TTC17: variants seen among roughly 807,000 people sequenced by gnomAD.
TTC17 encodes the protein tetratricopeptide repeat protein 17.
Under a neutral mutation model 143.8 loss-of-function variants are expected in TTC17, and 58 were observed. The ratio of observed to expected loss-of-function variants is 0.40; its 90% CI spans 0.33 to 0.50. TTC17 has a LOEUF of 0.50. TTC17 is among the 20% of genes least tolerant of loss of function. The probability of loss-of-function intolerance (pLI) is 0.49; values close to 1 mark genes in which losing one functional copy is unlikely to be tolerated. For synonymous variants in TTC17, 501 were observed against 497.8 expected, an observed-to-expected ratio of 1.01 and a Z score of -0.09; for missense variants, 1,273 against 1,392.5, an observed-to-expected ratio of 0.91 and a Z score of 1.37.
At position 43,389,725 on chromosome 11, in the gene TTC17, A is replaced by G. The variant is rs1008099104; in HGVS notation, c.323A>G (p.Asn108Ser). The change falls in exon 3 of 24, where the codon AAT becomes AGT. Residue 108 changes from asparagine (N) to serine (S), a missense_variant. Asn to Ser is a conservative substitution (Grantham distance 46). Transcript: ENST00000039989. The part of the protein sequence containing the change: ...DRDTGLEQRH[N>S]KEDPDCIKAK... Reference sequence around the variant, plus strand: ...GACACAGGACTGGAACAGAGACATAATAAAGAAGACCCAGACTGCATCAAA... The same window carrying G: ...GACACAGGACTGGAACAGAGACATAGTAAAGAAGACCCAGACTGCATCAAA... The G allele has an allele frequency of 3.7e-6, 6 of 1,614,040 alleles. No individual in the cohort carries two copies. Among genetic ancestry groups the G allele is most frequent in the Non-Finnish European group, 5.1e-6 (6 of 1,180,002 alleles).
chr11:43,378,427 A>G (rs1856841602), intron 1 of TTC17, among the ~76,000 whole-genome samples: 1 of 152,142 alleles, frequency 6.6e-6, no homozygotes, highest in South Asian at 2.1e-4. Flanking sequence ...TTTTTCCTGT[A>G]TCCCATTCCA....
intron 16 of TTC17, chr11:43,436,399 C>G (rs996442269): frequency 8.3e-7 from 1 of 1,201,124 alleles, no homozygotes; most frequent in African/African-American, 1.6e-5. Context: ...TAAGCTTAGG[C>G]TTTTCTCTAC....
chr11:43,405,848 C>A lies in TTC17; in HGVS notation c.1658C>A (p.Ser553Tyr). The change falls in exon 13 of 24, where the codon TCC becomes TAC. Residue 553 changes from serine (S) to tyrosine (Y), a missense_variant. Ser to Tyr is a moderately radical substitution (Grantham distance 144). Around this residue, in one of 3 missense-constraint regions of TTC17, gnomAD observed 878 missense variants for 899.8 expected, o/e 0.98. Coordinates refer to ENST00000039989, the MANE Select transcript of TTC17 (RefSeq NM_018259.6). ...GAAGAGGCCCAAACCCCTGACTGTT[C>A]CATAACTGACTTCAGAAAAAGCCAC... is the stretch of plus-strand genomic sequence containing the variant. ...TEEEAQTPDCSITDFRKSHTL... is the reference protein window; with the variant it reads ...TEEEAQTPDCYITDFRKSHTL... 1 of 1,614,014 alleles carries A rather than the reference C, an allele frequency of 6.2e-7. No individual in the cohort carries two copies. The highest frequency in any genetic ancestry group is 1.1e-5 in the South Asian group (1 of 91,080).
intron 18 of TTC17, among the ~76,000 whole-genome samples, chr11:43,445,363 TAAAC>T (rs1205789465): frequency 3.3e-5 from 5 of 152,302 alleles, no homozygotes; most frequent in Admixed American, 6.5e-5. Context: ...TATGGTATAA[TAAAC>T]AAGCACATAG....
chr11:43,413,363 T>C (rs981513027), intron 15 of TTC17, among the ~76,000 whole-genome samples: 5 of 152,156 alleles, frequency 3.3e-5, no homozygotes, highest in African/African-American at 1.2e-4. Context: ...TACCAAAATA[T>C]GAAAGATAAA....
At chr11:43,388,526 CTT>C (rs558306466) in intron 2 of TTC17, among the ~76,000 whole-genome samples, 1 of 144,300 alleles carries the variant, frequency 6.9e-6, no homozygotes, top group African/African-American at 2.5e-5. Flanking sequence ...CTTGAACTCC[CTT>C]TTTTTTTTTC....
At chr11:43,385,049 T>C (rs1857120103) in intron 2 of TTC17, among the ~76,000 whole-genome samples, 1 of 152,162 alleles carries the variant, frequency 6.6e-6, no homozygotes, top group Non-Finnish European at 1.5e-5. Context: ...TATAAGTATG[T>C]TTATATCAAG....
intron 5 of TTC17, chr11:43,395,624 A>C (rs1750165292): frequency 6.6e-6 from 1 of 152,202 alleles, no homozygotes; most frequent in African/African-American, 2.4e-5. Context: ...TAGTGTTAAA[A>C]TCTGTAATTG....
intron 16 of TTC17, among the ~76,000 whole-genome samples, chr11:43,433,140 AC>A (rs1358180288): frequency 1.3e-5 from 2 of 152,172 alleles, no homozygotes; most frequent in Non-Finnish European, 2.9e-5. Context: ...AGCTGGGACT[AC>A]CGGCATGTGC....
intron 16 of TTC17, among the ~76,000 whole-genome samples, chr11:43,440,534 C>G (rs1025442165): frequency 6.6e-6 from 1 of 152,156 alleles, no homozygotes; most frequent in South Asian, 2.1e-4. Flanking sequence ...CCTCTTTACC[C>G]TCTCTTTTTT....
intron 16 of TTC17, among the ~76,000 whole-genome samples, chr11:43,434,229 A>T (rs919986244): frequency 1.8e-4 from 19 of 105,050 alleles, no homozygotes; most frequent in African/African-American, 6.3e-4. Context: ...ACACACACAC[A>T]CACTCTCATG....
intron 18 of TTC17, among the ~76,000 whole-genome samples, chr11:43,446,995 C>CT (rs1322227678): frequency 2.6e-5 from 4 of 152,120 alleles, no homozygotes. Flanking sequence ...CTCTCTGAGT[C>CT]TCTGTTTTCT....
intron 15 of TTC17, among the ~76,000 whole-genome samples, chr11:43,412,873 C>T (rs1474725324): frequency 6.6e-6 from 1 of 152,000 alleles, no homozygotes; most frequent in African/African-American, 2.4e-5. Context: ...CTCTGTAAAT[C>T]AATTTATAGA....
At chr11:43,363,624 TCTTA>T (rs1357280076) in intron 1 of TTC17, among the ~76,000 whole-genome samples, 1 of 152,360 alleles carries the variant, frequency 6.6e-6, no homozygotes, top group South Asian at 2.1e-4. Flanking sequence ...TCTTCTCCAA[TCTTA>T]CTTAGAACTG....
chr11:43,375,758 A>G (rs1856742945), intron 1 of TTC17, among the ~76,000 whole-genome samples: 1 of 152,146 alleles, frequency 6.6e-6, no homozygotes, highest in Admixed American at 6.5e-5. Context: ...GAATAATTAA[A>G]AAGTGATTGA....
At chr11:43,382,371 A>G (rs1332965641) in intron 2 of TTC17, among the ~76,000 whole-genome samples, 1 of 152,224 alleles carries the variant, frequency 6.6e-6, no homozygotes, top group African/African-American at 2.4e-5. Flanking sequence ...AAAAGTTGCT[A>G]AATTTATTTA....
At chr11:43,448,509 A>ACGGCG in intron 19 of TTC17, 1 of 160,796 alleles carries the variant, frequency 6.2e-6, no homozygotes, top group South Asian at 1.9e-4. Flanking sequence ...TGCCTCTGAT[A>ACGGCG]ACTGCTTTTT....
rs567010155 is a variant in TTC17 at position 43,364,413 on chromosome 11, G to A, written c.159+5300G>A. 5.9e-5 allele frequency among the ~76,000 whole-genome samples: 9 copies of A among 152,250 alleles called. No individual in the cohort carries two copies. The East Asian group carries it at 1.7e-3, about 29-fold the overall frequency. On this transcript the variant is annotated intron_variant, in intron 1 of 23. Transcript: ENST00000039989. ...ATTTTGGTCTGATGTTAAGTAATTTGGTTAATCTGGGAGAGAGCATCCATA... is the reference window on the plus strand; with the variant it reads ...ATTTTGGTCTGATGTTAAGTAATTTAGTTAATCTGGGAGAGAGCATCCATA...
At chr11:43,359,347 G>A in intron 1 of TTC17, 1 of 491,770 alleles carries the variant, frequency 2.0e-6, no homozygotes, top group South Asian at 4.5e-5. Flanking sequence ...CCACCTCGCG[G>A]GCCGCGCGCC....
Sources: allele counts gnomAD v4.1 joint callset (sites outside exome capture counted in the v4.1 genomes callset), GRCh38; gene constraint gnomAD v4.1.1; regional missense constraint gnomAD v4.1.1; transcripts MANE v1.5; gene names NCBI Gene and HGNC (gene_info 2026-07-23, HGNC 2026-07-21).